TBL1XR1: variants seen among roughly 807,000 people sequenced by gnomAD.
The protein encoded by TBL1XR1 is TBL1X/Y related 1, also known as F-box-like/WD repeat-containing protein TBL1XR1.
In TBL1XR1, 5 loss-of-function variants were observed where a neutral mutation model predicts 66.9. The ratio of observed to expected loss-of-function variants is 0.07; its 90% CI spans 0.04 to 0.16. TBL1XR1 has a LOEUF of 0.16. TBL1XR1 is among the 10% of genes least tolerant of loss of function. The pLI, the probability that TBL1XR1 is intolerant of heterozygous loss-of-function variation, is 1.00. For missense variants in TBL1XR1, 238 were observed against 623.2 expected (o/e 0.38, Z 6.58); for synonymous variants, 210 against 206.0 (o/e 1.02, Z -0.17).
intron 2 of TBL1XR1, among the ~76,000 whole-genome samples, chr3:177,090,103 G>C (rs2108638861): frequency 6.6e-6 from 1 of 152,286 alleles, no homozygotes; most frequent in South Asian, 2.1e-4. Flanking sequence ...TCTTGAAACA[G>C]CTATCTGTGT....
chr3:177,179,983 T>C (rs1043469224), intron 1 of TBL1XR1, among the ~76,000 whole-genome samples: 2 of 152,100 alleles, frequency 1.3e-5, no homozygotes, highest in South Asian at 4.1e-4. Flanking sequence ...CTCATGCCTG[T>C]AATCCCAGCA....
intron 1 of TBL1XR1, among the ~76,000 whole-genome samples, chr3:177,192,737 G>T (rs1304939725): frequency 6.6e-6 from 1 of 152,160 alleles, no homozygotes; most frequent in Non-Finnish European, 1.5e-5. Context: ...AACCTATCAG[G>T]AGCAACTTAC....
intron 12 of TBL1XR1, among the ~76,000 whole-genome samples, chr3:177,035,336 A>T (rs953194356): frequency 6.6e-6 from 1 of 151,726 alleles, no homozygotes; most frequent in Non-Finnish European, 1.5e-5. Flanking sequence ...GGTGATTGTT[A>T]GAGTTTCTAA....
chr3:177,033,391 G>A (rs1282333275), intron 13 of TBL1XR1, among the ~76,000 whole-genome samples: 2 of 152,084 alleles, frequency 1.3e-5, no homozygotes, highest in African/African-American at 2.4e-5. Flanking sequence ...ACAACTTAAA[G>A]GAATCTCCCA....
chr3:177,133,821 A>T (rs778380048), intron 1 of TBL1XR1, among the ~76,000 whole-genome samples: 10 of 147,078 alleles, frequency 6.8e-5, no homozygotes, highest in Non-Finnish European at 1.3e-4. Flanking sequence ...GGTTGCAGTG[A>T]GCCAAGATCG....
intron 4 of TBL1XR1, among the ~76,000 whole-genome samples, chr3:177,053,306 G>A (rs1201043718): frequency 1.3e-5 from 2 of 152,116 alleles, no homozygotes; most frequent in Non-Finnish European, 2.9e-5. Flanking sequence ...ACTTTATTGA[G>A]AAAAACAGGG....
At chr3:177,133,927 C>A (rs12637827) in intron 1 of TBL1XR1, among the ~76,000 whole-genome samples, 4 of 148,156 alleles carry the variant, frequency 2.7e-5, no homozygotes, top group African/African-American at 1.0e-4. Context: ...ATATATTGGA[C>A]GTCTGTTGTT....
chr3:177,059,856 C>T (rs1019611234), intron 3 of TBL1XR1, among the ~76,000 whole-genome samples: 1 of 152,144 alleles, frequency 6.6e-6, no homozygotes, highest in Non-Finnish European at 1.5e-5. Flanking sequence ...AATCAGCTGC[C>T]AGCACAGCTA....
intron 3 of TBL1XR1, among the ~76,000 whole-genome samples, chr3:177,063,879 C>A (rs1222959843): frequency 1.3e-5 from 2 of 152,220 alleles, no homozygotes; most frequent in East Asian, 3.9e-4. Context: ...AATAGAAAAC[C>A]CCTACCCCCA....
At chr3:177,055,482 T>G (rs910552610) in intron 3 of TBL1XR1, among the ~76,000 whole-genome samples, 5 of 142,326 alleles carry the variant, frequency 3.5e-5, no homozygotes. Flanking sequence ...AAGATCATAA[T>G]TAAATGCATT....
At chr3:177,140,015 T>C (rs1729455632) in intron 1 of TBL1XR1, among the ~76,000 whole-genome samples, 1 of 152,008 alleles carries the variant, frequency 6.6e-6, no homozygotes, top group African/African-American at 2.4e-5. Flanking sequence ...AAAAATACCT[T>C]GAAACAGCCA....
At chr3:177,114,818 A>G (rs961011340) in intron 1 of TBL1XR1, among the ~76,000 whole-genome samples, 2 of 151,830 alleles carry the variant, frequency 1.3e-5, no homozygotes, top group African/African-American at 4.8e-5. Context: ...TCTATAAAAA[A>G]AATGTTAAAA....
At chr3:177,084,092 A>AG (rs1164095376) in intron 2 of TBL1XR1, among the ~76,000 whole-genome samples, 2 of 150,222 alleles carry the variant, frequency 1.3e-5, no homozygotes, top group Non-Finnish European at 3.0e-5. Context: ...CGTCTCAAAA[A>AG]AAAAAAAAAA....
chr3:177,104,830 A>C (rs1340683819), intron 1 of TBL1XR1, among the ~76,000 whole-genome samples: 1 of 152,246 alleles, frequency 6.6e-6, no homozygotes, highest in Non-Finnish European at 1.5e-5. Context: ...TTAAGATTAT[A>C]CAAAAATAAA....
At chr3:177,090,232 A>T (rs1028131909) in intron 2 of TBL1XR1, among the ~76,000 whole-genome samples, 2 of 152,236 alleles carry the variant, frequency 1.3e-5, no homozygotes, top group Non-Finnish European at 2.9e-5. Flanking sequence ...AGCAAGATAA[A>T]CCAAAAATAG....
In TBL1XR1 at chr3:177,021,214, A is replaced by T. The variant is rs1712308659; in HGVS notation, c.*4284T>A. 1 of 152,498 alleles carries T rather than the reference A, an allele frequency of 6.6e-6. No homozygotes were observed. Among genetic ancestry groups the T allele is most frequent in the Non-Finnish European group, 1.5e-5 (1 of 67,998 alleles). The allele number at this position is 152,498 out of a possible 1,614,324, so 9.4% of individuals were successfully genotyped here. ...AATGTCAAAGTCAGGAAAGAAGAAA[A>T]TTTACTTCCGTATTCAAGGATTACA... On this transcript the variant is annotated 3_prime_UTR_variant, in exon 16 of 16. Transcript: ENST00000457928.
intron 2 of TBL1XR1, among the ~76,000 whole-genome samples, chr3:177,065,665 A>G (rs1339242203): frequency 2.0e-5 from 3 of 152,366 alleles, no homozygotes; most frequent in Non-Finnish European, 4.4e-5. Flanking sequence ...GCATGACTCA[A>G]ATATATCTAA....
chr3:177,125,203 T>C (rs1483496409), intron 1 of TBL1XR1, among the ~76,000 whole-genome samples: 1 of 152,046 alleles, frequency 6.6e-6, no homozygotes, highest in African/African-American at 2.4e-5. Flanking sequence ...CCAGAATATA[T>C]GAAATACTAC....
chr3:177,180,128 T>C (rs1734626387), intron 1 of TBL1XR1, among the ~76,000 whole-genome samples: 1 of 151,362 alleles, frequency 6.6e-6, no homozygotes, highest in South Asian at 2.1e-4. Flanking sequence ...TCCCAGCTAC[T>C]TGGGAGGCTG....
Sources: gnomAD v4.1 joint callset for allele counts (sites outside exome capture counted in the v4.1 genomes callset) on GRCh38, gnomAD v4.1.1 for gene constraint, MANE v1.5 for transcripts, NCBI Gene and HGNC (gene_info 2026-07-23, HGNC 2026-07-21) for gene names.